The following BRD10 variants were observed in gnomAD, a reference collection of about 807,000 sequenced individuals.
BRD10 encodes the protein bromodomain containing 10.
At chr9:5,968,790 C>T in the BRD10 span, 6 of 1,613,946 alleles carry the variant, frequency 3.7e-6, no homozygotes, top group East Asian at 8.9e-5. Flanking sequence ...TAAATCCGTA[C>T]ATCTGCACCA....
At chr9:5,966,055 A>C in the BRD10 span, among the ~76,000 whole-genome samples, 2 of 152,244 alleles carry the variant, frequency 1.3e-5, no homozygotes, top group South Asian at 2.1e-4. Flanking sequence ...ACCAGATCCA[A>C]ACATTTTTGT....
At chr9:5,939,594 T>A in the BRD10 span, among the ~76,000 whole-genome samples, 1 of 152,212 alleles carries the variant, frequency 6.6e-6, no homozygotes, top group African/African-American at 2.4e-5. Context: ...TATGATGGGA[T>A]CTGGTATTAT....
At chr9:5,882,757 G>A in the BRD10 span, among the ~76,000 whole-genome samples, 6 of 151,926 alleles carry the variant, frequency 3.9e-5, no homozygotes, top group Non-Finnish European at 8.8e-5. Context: ...ATTTGACCCA[G>A]CCATCCCATT....
the BRD10 span, among the ~76,000 whole-genome samples, chr9:5,954,548 T>G: frequency 6.6e-6 from 1 of 152,190 alleles, no homozygotes; most frequent in African/African-American, 2.4e-5. Flanking sequence ...TCCCCTTAAG[T>G]AGCTTAGGTA....
the BRD10 span, chr9:6,007,964 C>A: frequency 7.0e-6 from 9 of 1,289,254 alleles, no homozygotes; most frequent in South Asian, 2.3e-4. Flanking sequence ...AGCTCACCGC[C>A]GGCGGGGCGG....
chr9:5,980,652 T>G, the BRD10 span, among the ~76,000 whole-genome samples: 1 of 150,642 alleles, frequency 6.6e-6, no homozygotes, highest in Non-Finnish European at 1.5e-5. Flanking sequence ...AAAAAAAACT[T>G]CACACACACA....
At chr9:5,930,618 A>T in the BRD10 span, among the ~76,000 whole-genome samples, 1 of 152,086 alleles carries the variant, frequency 6.6e-6, no homozygotes. Context: ...ATGAATATGG[A>T]ACCGAGGCTC....
At chr9:5,981,630 A>ATCCATGTATCTATCT in the BRD10 span, among the ~76,000 whole-genome samples, 1 of 151,478 alleles carries the variant, frequency 6.6e-6, no homozygotes, top group Non-Finnish European at 1.5e-5. Flanking sequence ...TCTTCTATCT[A>ATCCATGTATCTATCT]TCTATCTATC....
the BRD10 span, chr9:6,007,407 G>A: frequency 2.5e-6 from 4 of 1,608,520 alleles, no homozygotes; most frequent in South Asian, 2.2e-5. Flanking sequence ...GCGGGAAGGC[G>A]CGACCGCCCC....
the BRD10 span, among the ~76,000 whole-genome samples, chr9:5,939,164 T>C: frequency 1.3e-5 from 2 of 152,154 alleles, no homozygotes; most frequent in African/African-American, 4.8e-5. Flanking sequence ...TTGCCTCATA[T>C]CAGTATTCAT....
At chr9:5,918,510 G>C in the BRD10 span, among the ~76,000 whole-genome samples, 1 of 152,292 alleles carries the variant, frequency 6.6e-6, no homozygotes, top group African/African-American at 2.4e-5. Flanking sequence ...GAGACCAGGA[G>C]TTCAAGACCA....
the BRD10 span, among the ~76,000 whole-genome samples, chr9:5,933,235 C>T: frequency 6.6e-6 from 1 of 152,066 alleles, no homozygotes; most frequent in East Asian, 1.9e-4. Context: ...TAACTGTTTC[C>T]ATGTTAGAAT....
chr9:5,930,268 C>A, the BRD10 span, among the ~76,000 whole-genome samples: 1 of 151,066 alleles, frequency 6.6e-6, no homozygotes, highest in African/African-American at 2.4e-5. Context: ...CTGTTGAGTC[C>A]ATTTGCATAT....
chr9:5,896,423 C>T, the BRD10 span, among the ~76,000 whole-genome samples: 1 of 152,120 alleles, frequency 6.6e-6, no homozygotes, highest in Non-Finnish European at 1.5e-5. Context: ...CACTGTCATC[C>T]CATGGTTCGC....
the BRD10 span, among the ~76,000 whole-genome samples, chr9:5,984,757 G>C: frequency 2.0e-5 from 3 of 151,406 alleles, no homozygotes; most frequent in East Asian, 5.8e-4. Flanking sequence ...AAATATGTAG[G>C]GAAAAAGGTA....
At chr9:5,977,476 C>A in the BRD10 span, among the ~76,000 whole-genome samples, 1 of 152,122 alleles carries the variant, frequency 6.6e-6, no homozygotes, top group African/African-American at 2.4e-5. Flanking sequence ...CTGAAGATCT[C>A]TAGAGTTAAT....
chr9:5,967,906 C>T, the BRD10 span: 13 of 661,680 alleles, frequency 2.0e-5, no homozygotes, highest in South Asian at 6.1e-5. Context: ...CAAATATACA[C>T]GCATGCATAC....
the BRD10 span, among the ~76,000 whole-genome samples, chr9:5,889,013 T>A: frequency 4.6e-5 from 7 of 152,122 alleles, no homozygotes; most frequent in African/African-American, 1.7e-4. Context: ...AAAGCCAAAC[T>A]TGCACCGAAA....
At chr9:5,948,097 C>A in the BRD10 span, among the ~76,000 whole-genome samples, 96,846 of 151,984 alleles carry the variant, frequency 0.64, 32,412 homozygotes, top group Non-Finnish European at 0.77. Flanking sequence ...GTTAACCTTT[C>A]ATTTAATATA....
Sources: gnomAD v4.1 joint callset for allele counts (sites outside exome capture counted in the v4.1 genomes callset) on GRCh38, gnomAD v4.1.1 for gene constraint, MANE v1.5 for transcripts, NCBI Gene and HGNC (gene_info 2026-07-23, HGNC 2026-07-21) for gene names.